Variants in DLG2 observed in about 807,000 individuals in gnomAD.
DLG2 encodes the protein discs large MAGUK scaffold protein 2.
A neutral mutation model predicts 132.5 loss-of-function variants in DLG2; 45 were observed. The observed-to-expected ratio is 0.34, with a 90% CI of 0.27 to 0.44. The LOEUF is 0.44. Among genes scored for constraint, DLG2 ranks in the 20% least tolerant of loss-of-function variants. DLG2 has a pLI of 1.00. For missense variants in DLG2, 1,045 were observed against 1,196.9 expected (o/e 0.87, Z 1.87); for synonymous variants, 424 against 419.6 (o/e 1.01, Z -0.13).
intron 6 of DLG2, among the ~76,000 whole-genome samples, chr11:84,621,139 G>A (rs2099613186): frequency 6.6e-6 from 1 of 152,046 alleles, no homozygotes; most frequent in African/African-American, 2.4e-5. Flanking sequence ...AAAGGTAACA[G>A]CATTATTCTA....
chr11:83,920,993 T>C (rs1474102272), intron 15 of DLG2, among the ~76,000 whole-genome samples: 1 of 152,188 alleles, frequency 6.6e-6, no homozygotes, highest in Non-Finnish European at 1.5e-5. Flanking sequence ...GAATTACTAC[T>C]ATAATATTCA....
At chr11:84,157,424 C>G (rs1008184336) in intron 9 of DLG2, among the ~76,000 whole-genome samples, 1 of 152,142 alleles carries the variant, frequency 6.6e-6, no homozygotes, top group Non-Finnish European at 1.5e-5. Context: ...TCATCCACTA[C>G]TTTTTAAAAA....
At chr11:84,018,931 A>G (rs2095303731) in intron 11 of DLG2, among the ~76,000 whole-genome samples, 1 of 152,086 alleles carries the variant, frequency 6.6e-6, no homozygotes, top group Non-Finnish European at 1.5e-5. Context: ...ATAAAGGAAT[A>G]GATGAAAAGA....
At chr11:83,605,007 C>CACAGAGAGAGAGAGAGAGAGAG (rs2059119642) in intron 19 of DLG2, among the ~76,000 whole-genome samples, 1 of 129,834 alleles carries the variant, frequency 7.7e-6, no homozygotes, top group African/African-American at 2.9e-5. Context: ...TTTTCAAAGA[C>CACAGAGAGAGAGAGAGAGAGAG]AGAGAGAGAG....
At chr11:84,586,488 C>A (rs1483310589) in intron 6 of DLG2, among the ~76,000 whole-genome samples, 1 of 152,068 alleles carries the variant, frequency 6.6e-6, no homozygotes, top group Non-Finnish European at 1.5e-5. Context: ...CATTTCTCAG[C>A]CTGTTGGCTA....
intron 18 of DLG2, among the ~76,000 whole-genome samples, chr11:83,769,954 G>A (rs535927420): frequency 6.5e-4 from 99 of 152,254 alleles, no homozygotes; most frequent in African/African-American, 2.2e-3. Flanking sequence ...CTCTGGAATG[G>A]AGGGGTGGTG....
intron 4 of DLG2, among the ~76,000 whole-genome samples, chr11:85,159,120 A>G (rs1298991792): frequency 6.6e-6 from 1 of 152,198 alleles, no homozygotes; most frequent in Non-Finnish European, 1.5e-5. Flanking sequence ...GAAAATGTTC[A>G]GACAGTTCAG....
chr11:84,450,519 G>C (rs578230621), intron 7 of DLG2, among the ~76,000 whole-genome samples: 7 of 150,682 alleles, frequency 4.6e-5, no homozygotes, highest in Non-Finnish European at 8.9e-5. Context: ...CCCATAATTA[G>C]ACAATGTCAA....
chr11:84,414,064 G>C (rs1448132356), intron 7 of DLG2, among the ~76,000 whole-genome samples: 2 of 152,084 alleles, frequency 1.3e-5, no homozygotes, highest in East Asian at 3.8e-4. Context: ...TTTGTACTAT[G>C]TTCTTCAATT....
intron 18 of DLG2, among the ~76,000 whole-genome samples, chr11:83,649,760 G>A (rs538699610): frequency 7.9e-5 from 12 of 152,198 alleles, no homozygotes; most frequent in South Asian, 6.2e-4. Context: ...GAGATTGGAG[G>A]GTAGGAGGAA....
intron 7 of DLG2, among the ~76,000 whole-genome samples, chr11:84,418,512 T>G (rs1029238658): frequency 2.0e-5 from 3 of 152,178 alleles, no homozygotes; most frequent in Non-Finnish European, 4.4e-5. Context: ...TACTCAAAAT[T>G]AAATAATAAA....
intron 19 of DLG2, among the ~76,000 whole-genome samples, chr11:83,573,187 A>G (rs1156763147): frequency 6.6e-6 from 1 of 152,206 alleles, no homozygotes; most frequent in African/African-American, 2.4e-5. Flanking sequence ...ATGACTAAAT[A>G]AATTATGAAG....
intron 3 of DLG2, among the ~76,000 whole-genome samples, chr11:85,476,765 T>C (rs996980067): frequency 2.0e-5 from 3 of 152,146 alleles, no homozygotes; most frequent in African/African-American, 7.2e-5. Flanking sequence ...ATAACATACA[T>C]GGATCTGTTA....
At chr11:84,674,607 G>A (rs1043155460) in intron 6 of DLG2, among the ~76,000 whole-genome samples, 17 of 151,958 alleles carry the variant, frequency 1.1e-4, no homozygotes, top group African/African-American at 4.1e-4. Flanking sequence ...GGCCTCTATT[G>A]ACCACTGTGA....
chr11:84,093,207 C>T (rs1241713021), intron 10 of DLG2, among the ~76,000 whole-genome samples: 1 of 152,140 alleles, frequency 6.6e-6, no homozygotes, highest in Non-Finnish European at 1.5e-5. Context: ...AAGATGTCAG[C>T]TGAGCTGCAT....
At position 84,059,488 on chromosome 11, in the gene DLG2, C is replaced by T. The variant is rs780619956; in HGVS notation, c.750-4G>A. 1 of 1,565,254 alleles carries T rather than the reference C, an allele frequency of 6.4e-7. No homozygotes were observed. The highest frequency in any genetic ancestry group is 1.2e-5 in the South Asian group (1 of 83,182). On this transcript the variant is annotated splice_polypyrimidine_tract_variant and splice_region_variant and intron_variant, in intron 10 of 27. Coordinates refer to ENST00000376104, the MANE Select transcript of DLG2 (RefSeq NM_001142699.3). ...CCGCAAGATACAATCATTGACCCTG[C>T]AAGGAAGGAAAAGAGTCAAGATTCA...
intron 17 of DLG2, chr11:83,790,985 G>A (rs934384254): frequency 6.1e-6 from 5 of 814,906 alleles, no homozygotes; most frequent in South Asian, 3.2e-5. Context: ...ACAGGTCTCC[G>A]TTCTGAGAAG....
chr11:83,882,359 T>C (rs899563673), intron 15 of DLG2, among the ~76,000 whole-genome samples: 3 of 152,200 alleles, frequency 2.0e-5, no homozygotes, highest in Non-Finnish European at 2.9e-5. Flanking sequence ...ATTGTACTAA[T>C]GATAATTTGC....
At position 83,638,069 on chromosome 11, in the gene DLG2, T is replaced by C. The variant is rs566356522; in HGVS notation, c.1826-4744A>G. 2.0e-5 allele frequency among the ~76,000 whole-genome samples: 3 copies of C among 152,294 alleles called. No homozygotes were observed. The East Asian group carries it at 5.8e-4, about 29-fold the overall frequency. On this transcript the variant is annotated intron_variant, in intron 18 of 27. Coordinates refer to ENST00000376104, the MANE Select transcript of DLG2 (RefSeq NM_001142699.3). ...TATGTTTTGGGGGGATTTTCTTCTG[T>C]AACAAGAAGCAAACCACTGAAACCC...
Sources: gnomAD v4.1 joint callset for allele counts (sites outside exome capture counted in the v4.1 genomes callset) on GRCh38, gnomAD v4.1.1 for gene constraint, MANE v1.5 for transcripts, NCBI Gene and HGNC (gene_info 2026-07-23, HGNC 2026-07-21) for gene names.